Variants in SLC28A3 observed in about 807,000 individuals in gnomAD.
SLC28A3 encodes concentrative Na(+)-nucleoside cotransporter 3.
SLC28A3 carries 68 observed loss-of-function variants against 84.2 expected under a neutral mutation model. The ratio of observed to expected loss-of-function variants is 0.81; its 90% CI spans 0.66 to 0.99. The LOEUF is 0.99. Among genes scored for constraint, SLC28A3 ranks in the 50% least tolerant of loss-of-function variants. The pLI is 0.00. For synonymous variants in SLC28A3, 267 were observed against 303.6 expected, an observed-to-expected ratio of 0.88 and a Z score of 1.25; for missense variants, 712 against 841.5, an observed-to-expected ratio of 0.85 and a Z score of 1.90.
At chr9:84,353,019 C>T in the SLC28A3 span, among the ~76,000 whole-genome samples, 1 of 149,492 alleles carries the variant, frequency 6.7e-6, no homozygotes, top group Non-Finnish European at 1.5e-5. Flanking sequence ...TTAGGGGTTT[C>T]TTCTTATTTA....
chr9:84,329,536 A>G (rs4305983), intron 1 of SLC28A3, among the ~76,000 whole-genome samples: 115,578 of 152,072 alleles, frequency 0.76, 44,310 homozygotes, highest in African/African-American at 0.86. Flanking sequence ...CAATTTGGGG[A>G]AAACTTATAA....
chr9:84,287,035 C>T (rs968089276), intron 12 of SLC28A3, among the ~76,000 whole-genome samples: 5 of 152,016 alleles, frequency 3.3e-5, no homozygotes, highest in Non-Finnish European at 2.9e-5. Flanking sequence ...GAAATACTGT[C>T]GCTACAAAAA....
Position 84,302,855 on chromosome 9 carries a change from C to G in SLC28A3, c.335-466G>C, listed in dbSNP as rs574986882. Among the ~76,000 whole-genome samples, 8 of 152,262 alleles carry G rather than the reference C, an allele frequency of 5.3e-5. No homozygotes were observed. In the South Asian group the frequency reaches 1.5e-3, roughly 28 times the overall value. ...GACCTACCAACAACAGACTACTTCT[C>G]TAAGTGACACAGAGTCTCTAAGGAA... On this transcript the variant is annotated intron_variant, in intron 4 of 17. Coordinates refer to ENST00000376238, the MANE Select transcript of SLC28A3 (RefSeq NM_001199633.2).
rs188520606 is a variant in SLC28A3, at chr9:84,299,681, G to T, written c.569C>A (p.Ala190Asp). Residue 190 changes from alanine (A) to aspartate (D), a missense_variant, in exon 6 of 18, where the codon GCC becomes GAC. By Grantham distance (126) the Ala-to-Asp change is moderately radical. Transcript: ENST00000376238. Reference sequence around the variant, plus strand: ...TTGACCCAATTTGGCAGTGTCAAAGGCCAACCAGAAAATAACTGCTAGGAC... The same window carrying T: ...TTGACCCAATTTGGCAGTGTCAAAGTCCAACCAGAAAATAACTGCTAGGAC... ...SLVLAVIFWLAFDTAKLGQQQ... is the reference protein window; with the variant it reads ...SLVLAVIFWLDFDTAKLGQQQ... 1 of 1,612,510 alleles carries T rather than the reference G, an allele frequency of 6.2e-7. No homozygotes were observed. Among genetic ancestry groups the T allele is most frequent in the Admixed American group, 1.7e-5 (1 of 59,628 alleles).
intron 1 of SLC28A3, among the ~76,000 whole-genome samples, chr9:84,316,232 C>G (rs944417715): frequency 6.6e-6 from 1 of 152,174 alleles, no homozygotes; most frequent in Non-Finnish European, 1.5e-5. Flanking sequence ...ATAATAACTT[C>G]TAGAACACTG....
chr9:84,340,409 A>T (rs1827120663), intron 1 of SLC28A3, among the ~76,000 whole-genome samples, 165 bp downstream of exon 1: 1 of 152,232 alleles, frequency 6.6e-6, no homozygotes, highest in South Asian at 2.1e-4. Context: ...CAGGTTTGTC[A>T]ACCCAGAAGA....
At chr9:84,300,888 G>T (rs1231553103) in intron 5 of SLC28A3, among the ~76,000 whole-genome samples, 2 of 152,108 alleles carry the variant, frequency 1.3e-5, no homozygotes, top group Non-Finnish European at 2.9e-5. Context: ...GGGACACTCA[G>T]GCCCAGGCTA....
the SLC28A3 span, among the ~76,000 whole-genome samples, chr9:84,357,364 G>A: frequency 1.3e-5 from 2 of 152,116 alleles, no homozygotes; most frequent in African/African-American, 4.8e-5. Flanking sequence ...TGTAACGGCT[G>A]TCAAAAGCTT....
chr9:84,284,957 T>C (rs1824919677), intron 14 of SLC28A3, among the ~76,000 whole-genome samples: 1 of 152,214 alleles, frequency 6.6e-6, no homozygotes, highest in Admixed American at 6.5e-5. Context: ...TGTTAGCCAC[T>C]AGACTATGAG....
intron 1 of SLC28A3, among the ~76,000 whole-genome samples, chr9:84,318,718 A>T (rs1826255830): frequency 6.6e-6 from 1 of 151,364 alleles, no homozygotes; most frequent in Non-Finnish European, 1.5e-5. Context: ...AAAATACAAA[A>T]ATTAGCCGGG....
Position 84,285,444 on chromosome 9 carries a change from G to T in SLC28A3, c.1548C>A (p.Phe516Leu), listed in dbSNP as rs759552210. 4 of 1,614,070 alleles carry T rather than the reference G, an allele frequency of 2.5e-6. No individual in the cohort carries two copies. The highest frequency in any genetic ancestry group is 3.4e-6 in the Non-Finnish European group (4 of 1,180,030). The change falls in exon 14 of 18, where the codon TTC becomes TTA. Residue 516 changes from phenylalanine (F) to leucine (L), a missense_variant. Transcript: ENST00000376238. Reference protein sequence around the residue: ...MVARLIGYKTFFNEFVAYEHL... With the variant: ...MVARLIGYKTLFNEFVAYEHL... ...GCTCATAAGCCACAAATTCATTGAA[G>T]AAGGTCTTATAACCTATGAGTCTGG...
At chr9:84,318,435 C>T (rs556363845) in intron 1 of SLC28A3, among the ~76,000 whole-genome samples, 16 of 152,194 alleles carry the variant, frequency 1.1e-4, no homozygotes, top group Middle Eastern at 6.8e-3. Flanking sequence ...CTTTGTGAGC[C>T]AGGAGGCAGA....
At chr9:84,346,259 A>T in the SLC28A3 span, among the ~76,000 whole-genome samples, 1 of 152,268 alleles carries the variant, frequency 6.6e-6, no homozygotes, top group African/African-American at 2.4e-5. Context: ...CATTAAAGAA[A>T]ACCAAAACAC....
chr9:84,325,783 T>C (rs1055364405), intron 1 of SLC28A3, among the ~76,000 whole-genome samples: 4 of 152,226 alleles, frequency 2.6e-5, no homozygotes, highest in African/African-American at 9.6e-5. Context: ...ATCCCCTTCC[T>C]TTCTGAACAC....
rs1417546421 is a variant in SLC28A3 at position 84,275,618 on chromosome 9, A to G, written c.*2600T>C. On this transcript the variant is annotated 3_prime_UTR_variant, in exon 18 of 18. Coordinates refer to ENST00000376238, the MANE Select transcript of SLC28A3 (RefSeq NM_001199633.2). ...GCTTCTATGTCTACTAAAGAGGAAT[A>G]AAAACATCACCATGCACCAAAAACC... The G allele has an allele frequency of 6.6e-6, 1 of 152,240 alleles. No homozygotes were observed. The highest frequency in any genetic ancestry group is 1.5e-5 in the Non-Finnish European group (1 of 68,044). The allele number at this position is 152,240 out of a possible 1,614,324, so 9.4% of individuals were successfully genotyped here. A position where few individuals can be genotyped will look rare whatever the true frequency, so the allele number is the denominator to read the frequency against.
At chr9:84,293,594 G>A (rs942422105) in intron 9 of SLC28A3, among the ~76,000 whole-genome samples, 1 of 152,204 alleles carries the variant, frequency 6.6e-6, no homozygotes, top group Admixed American at 6.5e-5. Context: ...AGCTGACGGA[G>A]CTCCTTGTCC....
At chr9:84,339,886 A>G (rs899578146) in intron 1 of SLC28A3, among the ~76,000 whole-genome samples, 2 of 152,162 alleles carry the variant, frequency 1.3e-5, no homozygotes, top group African/African-American at 4.8e-5. Flanking sequence ...AGCAGACCGT[A>G]AAGTCCAAGG....
intron 17 of SLC28A3, among the ~76,000 whole-genome samples, chr9:84,278,811 C>G (rs1363807171): frequency 1.3e-5 from 2 of 150,746 alleles, no homozygotes; most frequent in Non-Finnish European, 2.9e-5. Context: ...AATTTTGTAT[C>G]TCACTTGTAC....
chr9:84,296,566 A>C (rs1045842340), intron 8 of SLC28A3, among the ~76,000 whole-genome samples: 1 of 152,196 alleles, frequency 6.6e-6, no homozygotes, highest in Admixed American at 6.5e-5. Context: ...TTCCCAGAGG[A>C]GGATGGGCTT....
Sources: gnomAD v4.1 joint callset for allele counts (sites outside exome capture counted in the v4.1 genomes callset) on GRCh38, gnomAD v4.1.1 for gene constraint, MANE v1.5 for transcripts, NCBI Gene and HGNC (gene_info 2026-07-23, HGNC 2026-07-21) for gene names.